CHCHD3: variants seen among roughly 807,000 people sequenced by gnomAD.
CHCHD3 encodes the protein coiled-coil-helix-coiled-coil-helix domain containing 3, also known as MICOS complex subunit MIC19.
A neutral mutation model predicts 38.2 loss-of-function variants in CHCHD3; 20 were observed. That is an observed-to-expected ratio of 0.52 (90% CI 0.37 to 0.76). The LOEUF (loss-of-function observed/expected upper bound fraction) is 0.76, where lower values mean the gene tolerates loss of function less well. Ranked by LOEUF, CHCHD3 falls within the 30% of genes least tolerant of loss-of-function variation. The pLI is 0.00. For missense variants in CHCHD3, 245 were observed against 279.2 expected (o/e 0.88, Z 0.87); for synonymous variants, 82 against 100.0 (o/e 0.82, Z 1.07).
At chr7:132,900,364 G>A (rs1166218757) in intron 4 of CHCHD3, among the ~76,000 whole-genome samples, 1 of 152,098 alleles carries the variant, frequency 6.6e-6, no homozygotes, top group African/African-American at 2.4e-5. Context: ...GTAGTACCCA[G>A]GGCTCCACTT....
At chr7:133,037,755 G>A in intron 2 of CHCHD3, among the ~76,000 whole-genome samples, 1 of 152,200 alleles carries the variant, frequency 6.6e-6, no homozygotes, top group Middle Eastern at 3.2e-3. Flanking sequence ...AGAGGTCGCA[G>A]TGAGCCGAGA....
intron 6 of CHCHD3, among the ~76,000 whole-genome samples, chr7:132,821,445 C>T (rs1585544731): frequency 6.6e-6 from 1 of 152,050 alleles, no homozygotes; most frequent in South Asian, 2.1e-4. Context: ...CATGTGGATA[C>T]TTATTATTTC....
At chr7:132,971,318 G>A (rs563844701) in intron 4 of CHCHD3, among the ~76,000 whole-genome samples, 2 of 152,276 alleles carry the variant, frequency 1.3e-5, no homozygotes, top group East Asian at 3.9e-4. Context: ...CTCTTCCAAA[G>A]CCTCTGGATA....
chr7:133,036,696 T>C (rs1813687423), intron 2 of CHCHD3, among the ~76,000 whole-genome samples: 1 of 152,204 alleles, frequency 6.6e-6, no homozygotes, highest in Admixed American at 6.5e-5. Flanking sequence ...AAGGTTTCTC[T>C]TGAAGATGAA....
intron 3 of CHCHD3, among the ~76,000 whole-genome samples, chr7:132,990,384 A>C (rs1246743180): frequency 6.6e-6 from 1 of 152,154 alleles, no homozygotes; most frequent in Non-Finnish European, 1.5e-5. Flanking sequence ...AAAGGAACCT[A>C]AGGTCAAATG....
chr7:132,986,829 T>C (rs1300788845), intron 3 of CHCHD3, among the ~76,000 whole-genome samples: 1 of 152,230 alleles, frequency 6.6e-6, no homozygotes, highest in Non-Finnish European at 1.5e-5. Context: ...GGATAGGCTA[T>C]CTCTACTAGT....
Position 132,881,699 on chromosome 7 carries a change from T to A in CHCHD3, c.453+3963A>T, listed in dbSNP as rs549770303. ...TGGATTTCCTAGTAAGTTAGATGAT[T>A]CTGCAAATTATATTAATATTAGAAT... On this transcript the variant is annotated intron_variant, in intron 5 of 7. Transcript: ENST00000262570. Among the ~76,000 whole-genome samples the A allele has an allele frequency of 2.6e-3, 396 of 152,340 alleles. 4 individuals are homozygous for A. Among genetic ancestry groups the A allele is most frequent in the African/African-American group, 9.1e-3 (378 of 41,582 alleles).
intron 4 of CHCHD3, among the ~76,000 whole-genome samples, chr7:132,914,274 C>G (rs1275733610): frequency 6.6e-6 from 1 of 152,022 alleles, no homozygotes; most frequent in South Asian, 2.1e-4. Context: ...AGGCATGAGC[C>G]GACACACCCG....
chr7:132,984,237 A>G (rs1463687786), intron 3 of CHCHD3, among the ~76,000 whole-genome samples: 4 of 151,228 alleles, frequency 2.6e-5, no homozygotes, highest in Non-Finnish European at 5.9e-5. Flanking sequence ...TGGTTTTCGT[A>G]TTTTTTTGGT....
At chr7:133,055,788 T>C (rs1814312816) in intron 2 of CHCHD3, among the ~76,000 whole-genome samples, 1 of 151,696 alleles carries the variant, frequency 6.6e-6, no homozygotes, top group South Asian at 2.1e-4. Context: ...GGAGGTGATA[T>C]CTCTCCCTCA....
chr7:132,928,071 G>T (rs866899295), intron 4 of CHCHD3, among the ~76,000 whole-genome samples: 1 of 152,120 alleles, frequency 6.6e-6, no homozygotes, highest in South Asian at 2.1e-4. Context: ...AGAGTAGGCT[G>T]GGGACTCTAG....
intron 4 of CHCHD3, among the ~76,000 whole-genome samples, chr7:132,917,273 C>G (rs142882921): frequency 6.6e-6 from 1 of 150,528 alleles, no homozygotes; most frequent in Non-Finnish European, 1.5e-5. Context: ...CTAAATCCCC[C>G]CTGCTGAAAT....
chr7:133,025,257 T>C (rs767845097), intron 2 of CHCHD3, among the ~76,000 whole-genome samples: 1 of 152,200 alleles, frequency 6.6e-6, no homozygotes, highest in Non-Finnish European at 1.5e-5. Context: ...GTGACTGGAT[T>C]TGAAACATCT....
chr7:132,795,373 A>T (rs1024019454), intron 7 of CHCHD3, among the ~76,000 whole-genome samples: 1 of 152,198 alleles, frequency 6.6e-6, no homozygotes, highest in African/African-American at 2.4e-5. Context: ...AATGAAAAGG[A>T]TCCCTGGCAT....
intron 2 of CHCHD3, among the ~76,000 whole-genome samples, chr7:133,030,553 A>T: frequency 6.6e-6 from 1 of 152,218 alleles, no homozygotes; most frequent in East Asian, 1.9e-4. Flanking sequence ...AAAAATGTTC[A>T]AGCAATATAA....
At chr7:133,081,468 G>C (rs1198605986) in intron 1 of CHCHD3, among the ~76,000 whole-genome samples, 3 of 152,194 alleles carry the variant, frequency 2.0e-5, no homozygotes, top group Non-Finnish European at 4.4e-5. Flanking sequence ...CTGGGAGACA[G>C]GGTGTGCACA....
intron 6 of CHCHD3, among the ~76,000 whole-genome samples, chr7:132,825,498 G>C (rs1452854655): frequency 5.3e-5 from 8 of 152,168 alleles, no homozygotes; most frequent in Admixed American, 5.2e-4. Context: ...CAATTAACCA[G>C]GATGTCTTAA....
At chr7:132,950,344 A>G (rs1811008666) in intron 4 of CHCHD3, among the ~76,000 whole-genome samples, 1 of 152,352 alleles carries the variant, frequency 6.6e-6, no homozygotes, top group Non-Finnish European at 1.5e-5. Context: ...AAAATCTAAT[A>G]GAGACCTTAT....
rs997094528 is a variant in CHCHD3 at position 132,861,321 on chromosome 7, G to A, written c.454-22852C>T. Among the ~76,000 whole-genome samples, 85 of 152,218 alleles carry A rather than the reference G, an allele frequency of 5.6e-4. 1 individual carries two copies. Among genetic ancestry groups the A allele is most frequent in the African/African-American group, 1.8e-3 (75 of 41,524 alleles). On this transcript the variant is annotated intron_variant, in intron 5 of 7. Coordinates refer to ENST00000262570, the MANE Select transcript of CHCHD3 (RefSeq NM_017812.4). ...TGAGTGTGTGCTTCCTAAGTGTTTCGTCGTTAGATCACCTCATCTGAAAAC... is the reference window on the plus strand; with the variant it reads ...TGAGTGTGTGCTTCCTAAGTGTTTCATCGTTAGATCACCTCATCTGAAAAC...
Sources: gnomAD v4.1 joint callset for allele counts (sites outside exome capture counted in the v4.1 genomes callset) on GRCh38, gnomAD v4.1.1 for gene constraint, MANE v1.5 for transcripts, NCBI Gene and HGNC (gene_info 2026-07-23, HGNC 2026-07-21) for gene names.